TEX9: variants seen among roughly 807,000 people sequenced by gnomAD.
The protein encoded by TEX9 is testis expressed 9, also known as testis-expressed protein 9.
A neutral mutation model predicts 59.6 loss-of-function variants in TEX9; 74 were observed. That is an observed-to-expected ratio of 1.24 (90% confidence interval 1.03 to 1.51). The LOEUF is 1.51. Among genes scored for constraint, TEX9 ranks in the 40% most tolerant of loss-of-function variants. TEX9 has a pLI of 0.00. For synonymous variants in TEX9, 186 were observed against 152.2 expected (o/e 1.22, Z -1.64); for missense variants, 522 against 447.8 (o/e 1.17, Z -1.49).
intron 7 of TEX9, 30 bp downstream of exon 7, chr15:56,391,448 C>A: frequency 7.3e-7 from 1 of 1,368,754 alleles, no homozygotes; most frequent in Non-Finnish European, 9.7e-7. Context: ...TTATTTTTAT[C>A]TTTATAGCAC....
At chr15:56,446,915 A>G (rs771882144), downstream of TEX9, 1 of 1,609,432 alleles carries the variant, frequency 6.2e-7, no homozygotes, top group Non-Finnish European at 8.5e-7. Context: ...GCTGCTTTTA[A>G]TTTCTTCTCC....
chr15:56,290,160 G>A (rs547968586), intron 1 of TEX9, among the ~76,000 whole-genome samples: 1 of 152,240 alleles, frequency 6.6e-6, no homozygotes, highest in South Asian at 2.1e-4. Flanking sequence ...CGGGAGAGGT[G>A]TCAGCTTTTT....
upstream of TEX9, chr15:56,365,354 G>C (rs1190837917): frequency 2.2e-5 from 33 of 1,481,054 alleles, no homozygotes; most frequent in African/African-American, 4.1e-4. Flanking sequence ...CCTGAGAGTG[G>C]GAAGGCGTAG....
At chr15:56,277,899 C>G (rs2141436583) in intron 1 of TEX9, among the ~76,000 whole-genome samples, 1 of 152,252 alleles carries the variant, frequency 6.6e-6, no homozygotes, top group African/African-American at 2.4e-5. Flanking sequence ...AATAAATGCC[C>G]TTTCTGCTCT....
chr15:56,451,228 T>G, the TEX9 span, among the ~76,000 whole-genome samples: 15 of 152,172 alleles, frequency 9.9e-5, no homozygotes, highest in African/African-American at 3.6e-4. Context: ...CCAAGGTAGG[T>G]TAGAACAGAT....
chr15:56,317,702 A>G (rs753054310), intron 1 of TEX9, among the ~76,000 whole-genome samples: 5 of 152,052 alleles, frequency 3.3e-5, no homozygotes, highest in Non-Finnish European at 7.4e-5. Flanking sequence ...TGTTCCATAT[A>G]TTGTACTTTC....
chr15:56,249,230 T>G (rs1350899485), intron 1 of TEX9: 1 of 152,232 alleles, frequency 6.6e-6, no homozygotes, highest in Non-Finnish European at 1.5e-5. Context: ...GGGAACTTTG[T>G]GTTACTAGGC....
chr15:56,319,828 A>G (rs571298577), intron 1 of TEX9, among the ~76,000 whole-genome samples: 6 of 152,200 alleles, frequency 3.9e-5, no homozygotes, highest in Non-Finnish European at 7.3e-5. Context: ...GAAGTTGGAA[A>G]ATGAGTATTA....
intron 9 of TEX9, among the ~76,000 whole-genome samples, chr15:56,404,429 A>G (rs947251453): frequency 2.6e-5 from 4 of 152,250 alleles, no homozygotes; most frequent in African/African-American, 7.2e-5. Flanking sequence ...CAAAACCGCA[A>G]TGAGATACCA....
the TEX9 span, among the ~76,000 whole-genome samples, chr15:56,453,125 C>T: frequency 1.3e-5 from 2 of 152,094 alleles, no homozygotes; most frequent in African/African-American, 4.8e-5. Context: ...TATTATTTGA[C>T]AATGCAAGAT....
Position 56,244,709 on chromosome 15 carries a change from T to C in TEX9, c.-107+431T>C, listed in dbSNP as rs538387743. ...TGCAGCCAAGGCCACTGCCTGCCTC[T>C]GAAAGAAACGCATGTAGTACTCACA... is the stretch of plus-strand genomic sequence containing the variant. On this transcript the variant is annotated intron_variant, in intron 1 of 5. Coordinates refer to the TEX9 transcript ENST00000560827. Among the ~76,000 whole-genome samples, 7 of 151,954 alleles carry C rather than the reference T, an allele frequency of 4.6e-5. No individual in the cohort carries two copies. The South Asian group carries it at 1.5e-3, about 32-fold the overall frequency.
intron 9 of TEX9, among the ~76,000 whole-genome samples, chr15:56,402,598 AT>A (rs1437811754): frequency 2.0e-5 from 3 of 152,218 alleles, no homozygotes; most frequent in African/African-American, 7.2e-5. Context: ...AACTGTTCCA[AT>A]CAATAGAAAA....
chr15:56,411,890 T>G (rs1265040795), intron 9 of TEX9, among the ~76,000 whole-genome samples: 1 of 152,156 alleles, frequency 6.6e-6, no homozygotes, highest in Admixed American at 6.6e-5. Context: ...TCTGAAAAGA[T>G]TTACTTTGTC....
chr15:56,302,762 T>C (rs2045393182), intron 1 of TEX9, among the ~76,000 whole-genome samples: 1 of 151,992 alleles, frequency 6.6e-6, no homozygotes, highest in South Asian at 2.1e-4. Flanking sequence ...AGACATGGAG[T>C]GGCTGAATGG....
chr15:56,255,574 T>C (rs1468857919), intron 1 of TEX9, among the ~76,000 whole-genome samples: 1 of 151,866 alleles, frequency 6.6e-6, no homozygotes, highest in East Asian at 1.9e-4. Flanking sequence ...GGATAACAAA[T>C]ATAGTAACAA....
chr15:56,408,308 A>G (rs2049176245), intron 9 of TEX9, among the ~76,000 whole-genome samples: 1 of 152,194 alleles, frequency 6.6e-6, no homozygotes, highest in African/African-American at 2.4e-5. Context: ...TATTCCTCAC[A>G]TGAATTTATA....
intron 7 of TEX9, 74 bp downstream of exon 7, chr15:56,391,492 T>G (rs2048208541): frequency 9.3e-7 from 1 of 1,069,626 alleles, no homozygotes; most frequent in African/African-American, 1.6e-5. Flanking sequence ...GGGGAACTAT[T>G]TCTTCCATTT....
At chr15:56,387,861 C>G (rs1486268747) in intron 4 of TEX9, among the ~76,000 whole-genome samples, 1 of 151,866 alleles carries the variant, frequency 6.6e-6, no homozygotes, top group Non-Finnish European at 1.5e-5. Context: ...AGTTTGCAGA[C>G]CTCCATAAAC....
intron 1 of TEX9, among the ~76,000 whole-genome samples, chr15:56,307,913 A>G (rs938379340): frequency 1.3e-5 from 2 of 152,190 alleles, no homozygotes; most frequent in African/African-American, 4.8e-5. Flanking sequence ...GGATCAATAC[A>G]TTTATTTTTA....
Sources: allele counts gnomAD v4.1 joint callset (sites outside exome capture counted in the v4.1 genomes callset), GRCh38; gene constraint gnomAD v4.1.1; transcripts MANE v1.5; gene names NCBI Gene and HGNC (gene_info 2026-07-23, HGNC 2026-07-21).